The following FBXW10B variants were observed in gnomAD, a reference collection of about 807,000 sequenced individuals.
The protein encoded by FBXW10B is F-box and WD repeat domain containing protein 10B.
the FBXW10B span, chr17:15,612,756 A>C: frequency 2.0e-5 from 32 of 1,614,144 alleles, no homozygotes; most frequent in Admixed American, 5.0e-5. Context: ...CCCGTCATCT[A>C]CCATTTTAGG....
At chr17:15,618,906 T>C in the FBXW10B span, 1 of 1,542,166 alleles carries the variant, frequency 6.5e-7, no homozygotes, top group Non-Finnish European at 8.7e-7. Flanking sequence ...GTGCAATCTC[T>C]GTCTACCTAT....
the FBXW10B span, among the ~76,000 whole-genome samples, chr17:15,587,593 C>G: frequency 6.6e-6 from 1 of 151,602 alleles, no homozygotes; most frequent in Non-Finnish European, 1.5e-5. Flanking sequence ...CTGCTGGGCT[C>G]TCCTCTGGCC....
chr17:15,567,648 T>C, the FBXW10B span, among the ~76,000 whole-genome samples: 1 of 151,960 alleles, frequency 6.6e-6, no homozygotes, highest in Non-Finnish European at 1.5e-5. Flanking sequence ...GAGCTATGAT[T>C]GTACCACTGT....
chr17:15,598,819 G>A, the FBXW10B span: 3 of 1,135,738 alleles, frequency 2.6e-6, no homozygotes, highest in South Asian at 1.7e-5. Flanking sequence ...CCTATTTGGT[G>A]TAACTTTGAG....
the FBXW10B span, among the ~76,000 whole-genome samples, chr17:15,614,219 C>T: frequency 2.0e-5 from 3 of 152,044 alleles, no homozygotes; most frequent in Admixed American, 6.6e-5. Context: ...GACGGAGTCT[C>T]GCTCTGTCGC....
At chr17:15,594,956 T>C in the FBXW10B span, 3 of 1,598,822 alleles carry the variant, frequency 1.9e-6, 1 homozygote, top group African/African-American at 4.0e-5. Flanking sequence ...AAGCTGAGCC[T>C]TCTTCAGATG....
the FBXW10B span, chr17:15,569,149 A>C: frequency 2.7e-6 from 2 of 729,252 alleles, no homozygotes; most frequent in African/African-American, 1.7e-5. Context: ...TTTTGTGTAG[A>C]TACTCAGTAG....
chr17:15,616,140 G>C, the FBXW10B span, among the ~76,000 whole-genome samples: 5 of 151,880 alleles, frequency 3.3e-5, no homozygotes, highest in Non-Finnish European at 5.9e-5. Context: ...AACCACCCTC[G>C]AGTCAAAATA....
the FBXW10B span, among the ~76,000 whole-genome samples, chr17:15,577,783 T>C: frequency 6.6e-6 from 1 of 152,166 alleles, no homozygotes; most frequent in African/African-American, 2.4e-5. Flanking sequence ...GCATGGTTTG[T>C]AAAGGTTCAT....
At chr17:15,570,842 C>T in the FBXW10B span, among the ~76,000 whole-genome samples, 7 of 152,154 alleles carry the variant, frequency 4.6e-5, no homozygotes, top group Admixed American at 2.6e-4. Context: ...GAGGACTCTT[C>T]GATAAAACAC....
At chr17:15,565,784 G>A in the FBXW10B span, 1 of 1,613,846 alleles carries the variant, frequency 6.2e-7, no homozygotes, top group African/African-American at 1.3e-5. Context: ...TAGATGCGAG[G>A]CCGTTCTTTC....
chr17:15,590,592 C>T, the FBXW10B span, among the ~76,000 whole-genome samples: 10 of 149,346 alleles, frequency 6.7e-5, no homozygotes, highest in South Asian at 1.3e-3. Context: ...CTCCTGCTCC[C>T]GGTCACGTTC....
chr17:15,594,779 C>T, the FBXW10B span: 18 of 1,613,822 alleles, frequency 1.1e-5, no homozygotes, highest in African/African-American at 2.7e-5. Context: ...AGGCAGCGCT[C>T]GTACTTCCCC....
At chr17:15,570,230 C>G in the FBXW10B span, among the ~76,000 whole-genome samples, 1 of 152,036 alleles carries the variant, frequency 6.6e-6, no homozygotes, top group South Asian at 2.1e-4. Context: ...GCTGTCAAGG[C>G]GATGAGAAGG....
the FBXW10B span, among the ~76,000 whole-genome samples, chr17:15,617,669 T>G: frequency 6.6e-6 from 1 of 152,148 alleles, no homozygotes; most frequent in Non-Finnish European, 1.5e-5. Context: ...TAAAAGAAAC[T>G]GACACCCCTC....
chr17:15,592,833 G>A, the FBXW10B span, among the ~76,000 whole-genome samples: 365 of 152,178 alleles, frequency 2.4e-3, 1 homozygote, highest in African/African-American at 8.3e-3. Flanking sequence ...GGCCGGGCGC[G>A]GTGGCTCACA....
At chr17:15,595,030 T>C in the FBXW10B span, 1 of 1,314,710 alleles carries the variant, frequency 7.6e-7, no homozygotes, top group Non-Finnish European at 1.0e-6. Context: ...CCTGAGCTAA[T>C]CCTGCTTTTG....
chr17:15,596,160 A>G, the FBXW10B span, among the ~76,000 whole-genome samples: 1 of 152,030 alleles, frequency 6.6e-6, no homozygotes, highest in East Asian at 1.9e-4. Flanking sequence ...TGCTGGGATT[A>G]CAGGTGTGAG....
At chr17:15,614,440 C>T in the FBXW10B span, among the ~76,000 whole-genome samples, 13 of 152,084 alleles carry the variant, frequency 8.5e-5, no homozygotes, top group South Asian at 1.5e-3. Flanking sequence ...GTGATCCGCC[C>T]GCCTCAGCCT....
Sources: gnomAD v4.1 joint callset for allele counts (sites outside exome capture counted in the v4.1 genomes callset) on GRCh38, gnomAD v4.1.1 for gene constraint, MANE v1.5 for transcripts, NCBI Gene and HGNC (gene_info 2026-07-23, HGNC 2026-07-21) for gene names.